The following HEATR5A variants were observed in gnomAD, a reference collection of about 807,000 sequenced individuals.
The protein encoded by HEATR5A is HEAT repeat containing 5A.
Under a neutral mutation model 218.8 loss-of-function variants are expected in HEATR5A, and 178 were observed. The observed-to-expected ratio is 0.81, with a 90% CI of 0.72 to 0.92. HEATR5A has a LOEUF of 0.92. HEATR5A is among the 40% of genes least tolerant of loss of function. HEATR5A has a pLI of 0.00. For missense variants in HEATR5A, 2,420 were observed against 2,418.9 expected (o/e 1.00, Z -0.01); for synonymous variants, 864 against 871.6 (o/e 0.99, Z 0.15).
chr14:31,356,807 T>C (rs768133231), intron 16 of HEATR5A, among the ~76,000 whole-genome samples: 12 of 152,142 alleles, frequency 7.9e-5, no homozygotes, highest in Admixed American at 2.0e-4. Context: ...TTCTCTAGAA[T>C]AGTAAAATCA....
At chr14:31,325,823 T>G in intron 23 of HEATR5A, 2 of 235,676 alleles carry the variant, frequency 8.5e-6, no homozygotes, top group Non-Finnish European at 8.2e-6. Context: ...GTCTCAAATA[T>G]TTGTTGTATG....
chr14:31,390,081 G>A (rs2030389515), intron 6 of HEATR5A, among the ~76,000 whole-genome samples: 1 of 152,014 alleles, frequency 6.6e-6, no homozygotes, highest in South Asian at 2.1e-4. Context: ...AGTCATGAGG[G>A]TATCTGGAGA....
intron 11 of HEATR5A, among the ~76,000 whole-genome samples, chr14:31,377,465 C>T (rs76144516): frequency 0.012 from 1,866 of 152,138 alleles, 28 homozygotes; most frequent in African/African-American, 0.037. Flanking sequence ...ATGATACTAA[C>T]GCACTCTAAA....
At chr14:31,302,835 T>C (rs899508391) in intron 32 of HEATR5A, 39 of 275,154 alleles carry the variant, frequency 1.4e-4, no homozygotes, top group Admixed American at 5.2e-5. Flanking sequence ...GTAAAATATA[T>C]ACAACATAAA....
chr14:31,402,131 G>C (rs1180856918), intron 2 of HEATR5A, among the ~76,000 whole-genome samples: 7 of 152,098 alleles, frequency 4.6e-5, no homozygotes, highest in African/African-American at 1.7e-4. Flanking sequence ...ACAAGAATGT[G>C]TTTTGGAATG....
chr14:31,306,936 A>T, intron 30 of HEATR5A, 57 bp from the exon 31 acceptor site: 1 of 1,352,130 alleles, frequency 7.4e-7, no homozygotes, highest in Non-Finnish European at 1.0e-6. Flanking sequence ...TTCTTTTGTA[A>T]AAAATACCAA....
intron 22 of HEATR5A, among the ~76,000 whole-genome samples, chr14:31,334,921 G>A (rs1477497182): frequency 6.8e-6 from 1 of 146,578 alleles, no homozygotes; most frequent in Non-Finnish European, 1.5e-5. Flanking sequence ...ACTTCAGCCT[G>A]GGTGACAGAG....
rs73259387 is a variant in HEATR5A at position 31,399,374 on chromosome 14, T to C, written c.339-593A>G. Among the ~76,000 whole-genome samples the C allele has an allele frequency of 8.8e-3, 1,340 of 152,318 alleles. 19 individuals carry two copies. The highest frequency in any genetic ancestry group is 0.031 in the African/African-American group (1,288 of 41,566). ...GTTTGTTACAAAATTCTACAAAATA[T>C]TTCAACAGAACTCAGCTACATATTA... On this transcript the variant is annotated intron_variant, in intron 3 of 35. Transcript: ENST00000543095.
Position 31,371,887 on chromosome 14 carries a change from G to A in HEATR5A, c.1884C>T (p.His628=). ...CTTCCTCAGTAAGAAGATCACCACA[G>A]TGGGAAACAAAGCTCTTGATAGCTG... ...ALCAIKSFVS[H]CGDLLTEEVT... is the part of the protein sequence containing the mutation. Residue 628 remains histidine (H), a synonymous_variant, in exon 13 of 36, where the codon CAC becomes CAT. Coordinates refer to ENST00000543095, the MANE Select transcript of HEATR5A (RefSeq NM_015473.4). The A allele has an allele frequency of 6.5e-7, 1 of 1,543,636 alleles. No homozygotes were observed. Among genetic ancestry groups the A allele is most frequent in the Non-Finnish European group, 8.8e-7 (1 of 1,141,072 alleles).
At chr14:31,389,064 C>A in intron 6 of HEATR5A, 59 bp from the exon 7 acceptor site, 1 of 1,414,316 alleles carries the variant, frequency 7.1e-7, no homozygotes, top group South Asian at 1.3e-5. Context: ...AATGTAAGTT[C>A]TTGATTTGCA....
chr14:31,350,525 T>TA (rs1476411836), intron 17 of HEATR5A, 87 bp downstream of exon 17: 2 of 720,628 alleles, frequency 2.8e-6, no homozygotes, highest in African/African-American at 3.6e-5. Flanking sequence ...AAGAGCATTT[T>TA]AAAAACATCA....
chr14:31,307,846 C>T, intron 30 of HEATR5A, 47 bp downstream of exon 30: 1 of 1,582,446 alleles, frequency 6.3e-7, no homozygotes, highest in Admixed American at 2.0e-5. Context: ...TGTTTCTCTT[C>T]CTTAAAGACT....
intron 34 of HEATR5A, among the ~76,000 whole-genome samples, chr14:31,294,850 T>C (rs1226953568): frequency 2.0e-5 from 3 of 152,084 alleles, no homozygotes; most frequent in African/African-American, 7.3e-5. Flanking sequence ...TGTTCAAATG[T>C]CATGGTCTGA....
intron 2 of HEATR5A, among the ~76,000 whole-genome samples, chr14:31,402,058 A>C (rs1300412333): frequency 2.6e-5 from 4 of 152,100 alleles, no homozygotes; most frequent in African/African-American, 7.2e-5. Flanking sequence ...CCCTCTCTTA[A>C]AGATCAGCAA....
intron 33 of HEATR5A, among the ~76,000 whole-genome samples, chr14:31,298,720 A>G (rs1282623600): frequency 2.6e-5 from 4 of 152,164 alleles, no homozygotes; most frequent in African/African-American, 9.6e-5. Flanking sequence ...CTAGACAGGG[A>G]CGCTGCTTTC....
intron 21 of HEATR5A, among the ~76,000 whole-genome samples, chr14:31,341,826 T>C (rs1157225938): frequency 1.3e-5 from 2 of 151,196 alleles, no homozygotes; most frequent in African/African-American, 4.9e-5. Flanking sequence ...GGAAATCTTC[T>C]ACAAGACAAG....
chr14:31,321,512 T>A lies in HEATR5A; in HGVS notation c.3956A>T (p.Gln1319Leu), dbSNP rs1595094769. ...GAAAGTGCTTACATTGGCTTGATAC[T>A]GTTCCAGAATCACATGACCTGGAAA... ...PEFPGHVILE[Q>L]YQANVGAALR... Residue 1319 changes from glutamine to leucine, a missense_variant, in exon 25 of 36, where the codon CAG becomes CTG. Coordinates refer to ENST00000543095, the MANE Select transcript of HEATR5A (RefSeq NM_015473.4). The A allele has an allele frequency of 6.3e-7, 1 of 1,593,754 alleles. No individual in the cohort carries two copies. The highest frequency in any genetic ancestry group is 2.2e-5 in the East Asian group (1 of 44,484).
At chr14:31,325,282 T>G (rs565740055) in intron 23 of HEATR5A, among the ~76,000 whole-genome samples, 3 of 152,278 alleles carry the variant, frequency 2.0e-5, no homozygotes, top group East Asian at 3.9e-4. Context: ...ATTTTAAAGA[T>G]TTGAATATAC....
In HEATR5A at chr14:31,305,003, T is replaced by G; in HGVS notation, c.5141A>C (p.Lys1714Thr). The change falls in exon 32 of 36, where the codon AAA becomes ACA. Residue 1714 changes from lysine (K) to threonine (T), a missense_variant. Transcript: ENST00000543095. ...NPKLTGSPGV[K>T]ATKPQILLED... ...TAATAGTATCTGTGGCTTCGTAGCT[T>G]TTACTCCTGGGCTACCTGTCAATTT... The G allele has an allele frequency of 1.2e-5, 19 of 1,613,940 alleles. No homozygotes were observed. Among genetic ancestry groups the G allele is most frequent in the Non-Finnish European group, 1.6e-5 (19 of 1,179,864 alleles).
Sources: allele counts gnomAD v4.1 joint callset (sites outside exome capture counted in the v4.1 genomes callset), GRCh38; gene constraint gnomAD v4.1.1; transcripts MANE v1.5; gene names NCBI Gene and HGNC (gene_info 2026-07-23, HGNC 2026-07-21).